Variants in ELAPOR2 observed in about 807,000 individuals in gnomAD.
ELAPOR2 encodes the protein endosome-lysosome associated apoptosis and autophagy regulator family member 2, also known as endosome/lysosome-associated apoptosis and autophagy regulator family member 2.
ELAPOR2 carries 89 observed loss-of-function variants against 120.7 expected under a neutral mutation model. The observed-to-expected ratio is 0.74, with a 90% CI of 0.62 to 0.88. ELAPOR2 has a LOEUF of 0.88. ELAPOR2 is among the 40% of genes least tolerant of loss of function. The pLI is 0.00. For synonymous variants in ELAPOR2, 444 were observed against 444.9 expected, an observed-to-expected ratio of 1.00 and a Z score of 0.03; for missense variants, 1,134 against 1,251.6, an observed-to-expected ratio of 0.91 and a Z score of 1.42.
chr7:86,881,506 G>A (rs1388880011), intron 21 of ELAPOR2, among the ~76,000 whole-genome samples: 1 of 151,896 alleles, frequency 6.6e-6, no homozygotes, highest in African/African-American at 2.4e-5. Flanking sequence ...ATAGACACCT[G>A]CCACCACGCC....
intron 1 of ELAPOR2, among the ~76,000 whole-genome samples, chr7:87,047,327 T>C (rs1391289306): frequency 6.6e-6 from 1 of 151,982 alleles, no homozygotes; most frequent in Non-Finnish European, 1.5e-5. Flanking sequence ...AAAGCAAAAA[T>C]AGACAAATGG....
At chr7:86,892,684 G>A (rs569718724) in intron 20 of ELAPOR2, among the ~76,000 whole-genome samples, 3 of 152,052 alleles carry the variant, frequency 2.0e-5, no homozygotes, top group Non-Finnish European at 4.4e-5. Flanking sequence ...TGTTTTCCTT[G>A]TTTTCTAATA....
intron 2 of ELAPOR2, among the ~76,000 whole-genome samples, chr7:86,954,016 T>C (rs1214297859): frequency 6.6e-6 from 1 of 152,188 alleles, no homozygotes; most frequent in Non-Finnish European, 1.5e-5. Flanking sequence ...TCTGTAAAGG[T>C]TTAAATATGC....
intron 10 of ELAPOR2, among the ~76,000 whole-genome samples, chr7:86,923,726 T>A (rs148276525): frequency 0.012 from 1,874 of 152,202 alleles, 25 homozygotes; most frequent in African/African-American, 0.036. Context: ...TAATATTTCA[T>A]TCCATTAGGG....
intron 1 of ELAPOR2, among the ~76,000 whole-genome samples, chr7:87,049,397 T>A (rs1432409687): frequency 6.6e-6 from 1 of 152,138 alleles, no homozygotes; most frequent in Non-Finnish European, 1.5e-5. Flanking sequence ...TTCTCCTGCC[T>A]CAGCCTCCCG....
chr7:86,953,093 CAAA>C (rs11351621), intron 2 of ELAPOR2, among the ~76,000 whole-genome samples: 10 of 99,606 alleles, frequency 1.0e-4, no homozygotes, highest in Non-Finnish European at 8.2e-5. Flanking sequence ...AAGCCTCTGT[CAAA>C]AAAAAAAAAA....
At position 86,880,448 on chromosome 7, in the gene ELAPOR2, C is replaced by T. The variant is rs750409029; in HGVS notation, c.*23G>A. The T allele has an allele frequency of 6.3e-6, 10 of 1,576,094 alleles. No individual in the cohort carries two copies. The highest frequency in any genetic ancestry group is 7.9e-6 in the Non-Finnish European group (9 of 1,146,160). On this transcript the variant is annotated 3_prime_UTR_variant, in exon 22 of 22. Transcript: ENST00000450689. ...AGAGCAGGTTTCTTTGTTCATTAGT[C>T]TCAAGGCTACAGCACTGTCTCTTCA...
chr7:87,027,456 T>C (rs1389692108), intron 1 of ELAPOR2, among the ~76,000 whole-genome samples: 1 of 152,134 alleles, frequency 6.6e-6, no homozygotes, highest in Non-Finnish European at 1.5e-5. Flanking sequence ...TATGGGAAAG[T>C]AAAGTGTTAT....
intron 6 of ELAPOR2, 46 bp from the exon 7 acceptor site, chr7:86,939,006 A>G (rs969124670): frequency 1.9e-6 from 3 of 1,606,428 alleles, no homozygotes; most frequent in Non-Finnish European, 8.5e-7. Context: ...ACCCAATACC[A>G]ATAAGCAAAT....
chr7:87,013,670 G>T (rs1162988481), intron 1 of ELAPOR2, among the ~76,000 whole-genome samples: 1 of 152,142 alleles, frequency 6.6e-6, no homozygotes, highest in Admixed American at 6.6e-5. Context: ...GTAAATGTTG[G>T]ATTCCCTTCA....
chr7:87,050,826 T>A (rs562482693), intron 1 of ELAPOR2, among the ~76,000 whole-genome samples: 5 of 152,228 alleles, frequency 3.3e-5, no homozygotes, highest in African/African-American at 9.6e-5. Context: ...ATTCAGCTAT[T>A]GGGAAGAGGA....
chr7:86,879,075 T>C lies in ELAPOR2; in HGVS notation c.*1396A>G, dbSNP rs1799280060. 6.6e-6 allele frequency: 1 copy of C among 152,192 alleles called. No individual in the cohort carries two copies. The highest frequency in any genetic ancestry group is 2.1e-4 in the South Asian group (1 of 4,832). The allele number at this position is 152,192 out of a possible 1,614,324, so 9.4% of individuals were successfully genotyped here. A position where few individuals can be genotyped will look rare whatever the true frequency, so the allele number is the denominator to read the frequency against. On this transcript the variant is annotated 3_prime_UTR_variant, in exon 22 of 22. Coordinates refer to ENST00000450689, the MANE Select transcript of ELAPOR2 (RefSeq NM_001142749.3). Reference sequence around the variant, plus strand: ...TCCCTACATATATGCCCTGCCTCTCTCAGCCAATCACAACTATTTTTTTAA... The same window carrying C: ...TCCCTACATATATGCCCTGCCTCTCCCAGCCAATCACAACTATTTTTTTAA...
chr7:87,017,734 A>G (rs1793916431), intron 1 of ELAPOR2, among the ~76,000 whole-genome samples: 1 of 152,076 alleles, frequency 6.6e-6, no homozygotes, highest in South Asian at 2.1e-4. Context: ...CAGCCTGGAC[A>G]ACATGGCAAG....
intron 21 of ELAPOR2, among the ~76,000 whole-genome samples, chr7:86,881,633 GGCATGA>G (rs1173243856): frequency 6.6e-6 from 1 of 152,126 alleles, no homozygotes; most frequent in Non-Finnish European, 1.5e-5. Context: ...TGGGATTACA[GGCATGA>G]GCCACTGCGC....
At chr7:86,928,618 G>T (rs573348508) in intron 8 of ELAPOR2, among the ~76,000 whole-genome samples, 1 of 151,930 alleles carries the variant, frequency 6.6e-6, no homozygotes, top group South Asian at 2.1e-4. Context: ...CTCTTAATTT[G>T]CCCAAAAGTC....
chr7:87,014,133 G>A (rs746246510), intron 1 of ELAPOR2, among the ~76,000 whole-genome samples: 64 of 148,836 alleles, frequency 4.3e-4, no homozygotes, highest in Non-Finnish European at 7.8e-4. Flanking sequence ...GAAAATACAT[G>A]TTAGGCAAGC....
intron 2 of ELAPOR2, among the ~76,000 whole-genome samples, chr7:86,961,038 G>T (rs1040258895): frequency 5.9e-5 from 9 of 151,952 alleles, no homozygotes; most frequent in African/African-American, 1.9e-4. Context: ...ACATTAATTC[G>T]CTATACTCTG....
At chr7:86,945,185 A>G in intron 3 of ELAPOR2, 139 bp from the exon 4 acceptor site, 1 of 664,120 alleles carries the variant, frequency 1.5e-6, no homozygotes, top group South Asian at 2.2e-5. Flanking sequence ...CCAGACTCAA[A>G]GGCCAACTTT....
At chr7:86,990,548 T>C (rs1199982514) in intron 1 of ELAPOR2, among the ~76,000 whole-genome samples, 1 of 152,140 alleles carries the variant, frequency 6.6e-6, no homozygotes, top group Non-Finnish European at 1.5e-5. Flanking sequence ...AGGTATTTTG[T>C]TATAAGCAAC....
Sources: allele counts gnomAD v4.1 joint callset (sites outside exome capture counted in the v4.1 genomes callset), GRCh38; gene constraint gnomAD v4.1.1; transcripts MANE v1.5; gene names NCBI Gene and HGNC (gene_info 2026-07-23, HGNC 2026-07-21).